CD99L2: variants seen among roughly 807,000 people sequenced by gnomAD.
CD99L2 encodes CD99 molecule like 2, also known as CD99 antigen-like protein 2.
Under a neutral mutation model 27.3 loss-of-function variants are expected in CD99L2, and 24 were observed. The ratio of observed to expected loss-of-function variants is 0.88; its 90% CI spans 0.64 to 1.24. The LOEUF (loss-of-function observed/expected upper bound fraction) is 1.24. Ranked by LOEUF, CD99L2 falls within the 50% of genes most tolerant of loss-of-function variation. The pLI is 0.00. For missense variants in CD99L2, 255 were observed against 221.6 expected, an observed-to-expected ratio of 1.15 and a Z score of -0.96; for synonymous variants, 97 against 87.9, an observed-to-expected ratio of 1.10 and a Z score of -0.58.
intron 1 of CD99L2, among the ~76,000 whole-genome samples, 177 bp from the exon 2 acceptor site, chrX:150,831,470 C>T (rs782191824): frequency 2.4e-4 from 27 of 111,713 alleles, no homozygotes; most frequent in African/African-American, 8.8e-4. Flanking sequence ...AAATAGAGGC[C>T]AGTATTGTTA....
chrX:150,886,770 C>T (rs1286737821), intron 1 of CD99L2, among the ~76,000 whole-genome samples: 2 of 111,790 alleles, frequency 1.8e-5, no homozygotes, highest in Admixed American at 9.5e-5. Flanking sequence ...TAAACATCCT[C>T]CAACACACAG....
chrX:150,875,018 T>C (rs1557422276), intron 1 of CD99L2, among the ~76,000 whole-genome samples: 1 of 111,891 alleles, frequency 8.9e-6, no homozygotes, highest in East Asian at 2.8e-4. Flanking sequence ...TTGAGATCTG[T>C]TTAAATACTT....
intron 5 of CD99L2, 45 bp downstream of exon 5, chrX:150,795,373 C>A: frequency 8.3e-7 from 1 of 1,203,972 alleles, no homozygotes; most frequent in Non-Finnish European, 1.1e-6. Context: ...GAGGGAGCCC[C>A]ATGGGATCCT....
At chrX:150,780,725 C>T (rs782620865) in intron 7 of CD99L2, among the ~76,000 whole-genome samples, 1 of 110,482 alleles carries the variant, frequency 9.1e-6, no homozygotes, top group Non-Finnish European at 1.9e-5. Flanking sequence ...AGGCAATTCA[C>T]AAAATATTTT....
chrX:150,783,174 G>A (rs2045541016), intron 7 of CD99L2, among the ~76,000 whole-genome samples: 1 of 107,762 alleles, frequency 9.3e-6, no homozygotes, highest in Non-Finnish European at 1.9e-5. Context: ...CTTGGGGAGG[G>A]ATAGCATTAG....
At chrX:150,887,701 C>T (rs1318845725) in intron 1 of CD99L2, among the ~76,000 whole-genome samples, 1 of 111,021 alleles carries the variant, frequency 9.0e-6, no homozygotes, top group Non-Finnish European at 1.9e-5. Flanking sequence ...GCCCACAGAA[C>T]ATCAGTGCTG....
chrX:150,777,521 C>G (rs2045418558), intron 7 of CD99L2, 39 bp from the exon 8 acceptor site: 1 of 1,200,721 alleles, frequency 8.3e-7, no homozygotes, highest in Non-Finnish European at 1.1e-6. Flanking sequence ...CAGCGACCAG[C>G]CAGCTCAGGC....
intron 2 of CD99L2, among the ~76,000 whole-genome samples, chrX:150,816,725 C>A (rs1460176080): frequency 9.3e-6 from 1 of 108,072 alleles, no homozygotes; most frequent in Non-Finnish European, 1.9e-5. Flanking sequence ...ATAAATCATG[C>A]TGCTATAAAG....
intron 2 of CD99L2, among the ~76,000 whole-genome samples, chrX:150,830,942 G>A (rs2046434768): frequency 9.1e-6 from 1 of 109,712 alleles, no homozygotes; most frequent in Non-Finnish European, 1.9e-5. Flanking sequence ...CCGAGTAGCT[G>A]GTATTATAGG....
At chrX:150,886,720 G>A (rs782016189) in intron 1 of CD99L2, among the ~76,000 whole-genome samples, 1 of 112,182 alleles carries the variant, frequency 8.9e-6, no homozygotes, top group African/African-American at 3.2e-5. Flanking sequence ...AGGGAGGGGT[G>A]TACTACCCGC....
intron 1 of CD99L2, among the ~76,000 whole-genome samples, chrX:150,881,393 A>G (rs187688996): frequency 8.9e-6 from 1 of 111,955 alleles, no homozygotes; most frequent in African/African-American, 3.2e-5. Context: ...CAGCTAGGTC[A>G]TCGCAGAGAT....
chrX:150,768,864 G>A lies in CD99L2; in HGVS notation c.*170C>T. The stretch of plus-strand genomic sequence containing the variant: ...ACCAAGTCTCAGCACGCTTGGGGCA[G>A]GGCAGAGAAACCAAACTCACAAACA... On this transcript the variant is annotated 3_prime_UTR_variant, in exon 11 of 11. Transcript: ENST00000370377. The A allele has an allele frequency of 2.0e-6, 2 of 1,014,253 alleles. No individual in the cohort carries two copies. The highest frequency in any genetic ancestry group is 2.5e-6 in the Non-Finnish European group (2 of 800,746). 83.6% of individuals were successfully genotyped at this position (1,014,253 alleles called of 1,213,427 possible).
At chrX:150,780,740 G>C (rs782245529) in intron 7 of CD99L2, among the ~76,000 whole-genome samples, 6 of 111,421 alleles carry the variant, frequency 5.4e-5, no homozygotes, top group Non-Finnish European at 9.4e-5. Flanking sequence ...TATTTTAAGA[G>C]TGTCTAATAA....
chrX:150,844,128 A>G (rs1326376462), intron 1 of CD99L2, among the ~76,000 whole-genome samples: 1 of 112,259 alleles, frequency 8.9e-6, no homozygotes, highest in Non-Finnish European at 1.9e-5. Context: ...GGTGGGGAGC[A>G]TAGCTTGATT....
intron 2 of CD99L2, among the ~76,000 whole-genome samples, chrX:150,816,742 G>A (rs2046161937): frequency 9.3e-6 from 1 of 107,596 alleles, no homozygotes; most frequent in South Asian, 4.3e-4. Context: ...AAAGACACAT[G>A]CACACGTATG....
intron 8 of CD99L2, among the ~76,000 whole-genome samples, chrX:150,776,568 C>A (rs782539583): frequency 8.9e-6 from 1 of 111,889 alleles, no homozygotes; most frequent in Non-Finnish European, 1.9e-5. Flanking sequence ...CTGTGACTGA[C>A]GCCCTGCAGG....
chrX:150,780,592 G>A (rs377449147), intron 7 of CD99L2, among the ~76,000 whole-genome samples: 1 of 111,156 alleles, frequency 9.0e-6, no homozygotes. Context: ...GAATATATAA[G>A]GGCTTCCTAA....
chrX:150,887,433 C>G (rs1193914138), intron 1 of CD99L2, among the ~76,000 whole-genome samples: 1 of 104,136 alleles, frequency 9.6e-6, no homozygotes, highest in Non-Finnish European at 2.0e-5. Flanking sequence ...GTGACAAGAG[C>G]AAAACTCCGT....
chrX:150,843,690 T>A (rs2046656889), intron 1 of CD99L2, among the ~76,000 whole-genome samples: 1 of 110,556 alleles, frequency 9.0e-6, no homozygotes, highest in Admixed American at 9.7e-5. Flanking sequence ...AATAAAATCC[T>A]GACCCTTTTC....
Sources: allele counts gnomAD v4.1 joint callset (sites outside exome capture counted in the v4.1 genomes callset), GRCh38; gene constraint gnomAD v4.1.1; transcripts MANE v1.5; gene names NCBI Gene and HGNC (gene_info 2026-07-23, HGNC 2026-07-21).